ZSCAN31: variants seen among roughly 807,000 people sequenced by gnomAD.
ZSCAN31 encodes the protein zinc finger and SCAN domain containing 31, also known as zinc finger and SCAN domain-containing protein 31.
Under a neutral mutation model 22.5 loss-of-function variants are expected in ZSCAN31, and 14 were observed. That is an observed-to-expected ratio of 0.62 (90% CI 0.41 to 0.97). ZSCAN31 has a LOEUF of 0.97. ZSCAN31 is among the 50% of genes least tolerant of loss of function. The pLI, the probability that ZSCAN31 is intolerant of heterozygous loss-of-function variation, is 0.00. For missense variants in ZSCAN31, 424 were observed against 483.4 expected (o/e 0.88, Z 1.15); for synonymous variants, 168 against 169.8 (o/e 0.99, Z 0.08).
At chr6:28,346,342 C>CTTTTTTTTTTTTTTTTTTT (rs5875155) in intron 2 of ZSCAN31, among the ~76,000 whole-genome samples, 6 of 87,780 alleles carry the variant, frequency 6.8e-5, no homozygotes, top group African/African-American at 1.9e-4. Context: ...TCAGTACAAT[C>CTTTTTTTTTTTTTTTTTTT]TTTTTTTTTT....
Position 28,349,634 on chromosome 6 carries a change from G to C in ZSCAN31, c.-371+4228C>G, listed in dbSNP as rs914655200. 5.3e-5 allele frequency among the ~76,000 whole-genome samples: 8 copies of C among 152,078 alleles called. No individual in the cohort carries two copies. The highest frequency in any genetic ancestry group is 1.2e-4 in the Non-Finnish European group (8 of 68,018). On this transcript the variant is annotated intron_variant, in intron 2 of 7. Transcript: ENST00000396838. The surrounding 1 kb of genome is among the most constrained non-coding windows in gnomAD (Gnocchi z 4.1). ...TTGTCCCCGTTTTCACTCAGTTTCT[G>C]ACCGTTCACCTCTCGTAGGTAACCA...
intron 3 of ZSCAN31, 44 bp downstream of exon 3, chr6:28,327,339 A>T: frequency 1.9e-6 from 3 of 1,610,714 alleles, no homozygotes; most frequent in Non-Finnish European, 2.5e-6. Context: ...CGCCCTATAT[A>T]GACCCACCAG....
At chr6:28,345,533 A>G (rs1764609414) in intron 2 of ZSCAN31, among the ~76,000 whole-genome samples, 2 of 152,342 alleles carry the variant, frequency 1.3e-5, no homozygotes, top group South Asian at 4.1e-4. Context: ...GAGTATTGAT[A>G]TGATACAACA....
intron 2 of ZSCAN31, among the ~76,000 whole-genome samples, chr6:28,343,391 A>G (rs1345645220): frequency 2.6e-5 from 4 of 152,052 alleles, no homozygotes; most frequent in Non-Finnish European, 5.9e-5. Flanking sequence ...GGTAGACATG[A>G]TCATCCCCCA....
upstream of ZSCAN31, among the ~76,000 whole-genome samples, chr6:28,338,407 A>T (rs929354624): frequency 6.6e-6 from 1 of 152,160 alleles, no homozygotes; most frequent in Non-Finnish European, 1.5e-5. Flanking sequence ...TAAATATAGA[A>T]TGGAAAATAC....
chr6:28,342,767 A>G (rs536785760), intron 2 of ZSCAN31, among the ~76,000 whole-genome samples: 3 of 152,350 alleles, frequency 2.0e-5, no homozygotes, highest in South Asian at 4.1e-4. Context: ...GCTGAGGGCA[A>G]CTATCATAAT....
intron 1 of ZSCAN31, among the ~76,000 whole-genome samples, chr6:28,334,735 C>T (rs1764010689): frequency 1.3e-5 from 2 of 152,118 alleles, no homozygotes; most frequent in African/African-American, 4.8e-5. Flanking sequence ...AGTGAGTGGT[C>T]TATGATTGGA....
At position 28,347,592 on chromosome 6, in the gene ZSCAN31, T is replaced by A. The variant is rs763213743; in HGVS notation, c.-370-5800A>T. On this transcript the variant is annotated intron_variant, in intron 2 of 7. Coordinates refer to the ZSCAN31 transcript ENST00000396838. This position sits in a 1 kb window ranked among gnomAD's most constrained non-coding sequence, Gnocchi z 5.2. ...TTTGTTTTTGTTTATTATTATTATT[T>A]TTTTGGCTCAGTCTCCCCTGGAACA... is the stretch of plus-strand genomic sequence containing the variant. Among the ~76,000 whole-genome samples the A allele has an allele frequency of 2.0e-5, 3 of 152,208 alleles. No individual in the cohort carries two copies. The highest frequency in any genetic ancestry group is 4.8e-5 in the African/African-American group (2 of 41,452).
chr6:28,326,558 T>C lies in ZSCAN31; in HGVS notation c.829A>G (p.Ser277Gly), dbSNP rs1299616906. 2 of 1,614,178 alleles carry C rather than the reference T, an allele frequency of 1.2e-6. No homozygotes were observed. Among genetic ancestry groups the C allele is most frequent in the Admixed American group, 3.3e-5 (2 of 60,024 alleles). ...TGTTCATTCAGGCTTGACCTCCGGC[T>C]GAAGGCCTTCCCACATTCTTCACAT... ...YECEECGKAFSRRSSLNEHRR... is the reference protein window; with the variant it reads ...YECEECGKAFGRRSSLNEHRR... Residue 277 changes from serine (S) to glycine (G), a missense_variant, in exon 4 of 4, where the codon AGC (serine) becomes GGC (glycine). Physicochemically the swap from Ser to Gly is moderately conservative, Grantham distance 56 (BLOSUM62 0). Transcript: ENST00000344279.
intron 2 of ZSCAN31, among the ~76,000 whole-genome samples, chr6:28,350,915 TAGA>T (rs1764964796): frequency 6.6e-6 from 1 of 152,092 alleles, no homozygotes; most frequent in Non-Finnish European, 1.5e-5. Context: ...GGAGGAACAA[TAGA>T]AGTTTTTAAT....
At chr6:28,328,871 T>C (rs147883557) in intron 2 of ZSCAN31, among the ~76,000 whole-genome samples, 130 of 152,360 alleles carry the variant, frequency 8.5e-4, no homozygotes, top group East Asian at 2.5e-3. Context: ...ATCTACATTC[T>C]TCTGCTATGG....
In ZSCAN31 at chr6:28,349,139, C is replaced by CAT. The variant is rs556312500; in HGVS notation, c.-371+4721_-371+4722dup. ...TATACATAGGTGTATATATATGTCT[C>CAT]ATATATAGGTGTATATATATGTCTC... On this transcript the variant is annotated intron_variant, in intron 2 of 7. Coordinates refer to the ZSCAN31 transcript ENST00000396838. The surrounding 1 kb of genome is among the most constrained non-coding windows in gnomAD (Gnocchi z 4.1). Among the ~76,000 whole-genome samples, 3 of 95,740 alleles carry CAT rather than the reference C, an allele frequency of 3.1e-5. No homozygotes were observed. The highest frequency in any genetic ancestry group is 5.0e-5 in the Non-Finnish European group (2 of 40,176). The allele number at this position is 95,740 out of a possible 152,430, so 62.8% of individuals were successfully genotyped here.
rs1764863084 is a variant in ZSCAN31 at position 28,349,995 on chromosome 6, C to T, written c.-371+3867G>A. ...TATGGGGTGAATCGGCGTCGGCCTT[C>T]CACTGTGGGGTTAAATCTCATCCCG... On this transcript the variant is annotated intron_variant, in intron 2 of 7. Coordinates refer to the ZSCAN31 transcript ENST00000396838. This position sits in a 1 kb window ranked among gnomAD's most constrained non-coding sequence, Gnocchi z 4.1. 1 of 152,244 alleles carries T rather than the reference C, an allele frequency of 6.6e-6. No homozygotes were observed. The highest frequency in any genetic ancestry group is 1.5e-5 in the Non-Finnish European group (1 of 68,122). 9.4% of individuals were successfully genotyped at this position (152,244 alleles called of 1,614,324 possible). A position where few individuals can be genotyped will look rare whatever the true frequency, so the allele number is the denominator to read the frequency against.
chr6:28,325,537 T>C lies in ZSCAN31; in HGVS notation c.*629A>G, dbSNP rs922193162. 6.6e-6 allele frequency: 1 copy of C among 151,450 alleles called. No individual in the cohort carries two copies. Among genetic ancestry groups the C allele is most frequent in the South Asian group, 2.1e-4 (1 of 4,820 alleles). The allele number at this position is 151,450 out of a possible 1,614,324, so 9.4% of individuals were successfully genotyped here. On this transcript the variant is annotated 3_prime_UTR_variant, in exon 4 of 4. Coordinates refer to ENST00000344279, the MANE Select transcript of ZSCAN31 (RefSeq NM_030899.5). ...CATGAGTTAGATATGAAATGAGACA[T>C]AGATTTCTAAACCATTAAAACTACA...
At chr6:28,339,641 T>C (rs1053013335), upstream of ZSCAN31, among the ~76,000 whole-genome samples, 21 of 152,248 alleles carry the variant, frequency 1.4e-4, no homozygotes, top group African/African-American at 4.8e-4. Context: ...AATTATTTAA[T>C]TTTGTAATTT....
At chr6:28,332,599 G>A (rs1426395819) in intron 1 of ZSCAN31, among the ~76,000 whole-genome samples, 1 of 152,186 alleles carries the variant, frequency 6.6e-6, no homozygotes, top group Non-Finnish European at 1.5e-5. Flanking sequence ...ATATCAATGA[G>A]CAGGTATTAT....
intron 1 of ZSCAN31, chr6:28,332,191 T>G (rs1051183914): frequency 2.0e-5 from 3 of 152,244 alleles, no homozygotes; most frequent in African/African-American, 7.2e-5. Flanking sequence ...CAGCCAGTCC[T>G]CCCATCTCTT....
rs761221171 is a variant in ZSCAN31, at chr6:28,331,667, T to A, written c.-95-1889A>T. Among the ~76,000 whole-genome samples the A allele has an allele frequency of 9.9e-5, 15 of 152,220 alleles. No homozygotes were observed. Among genetic ancestry groups the A allele is most frequent in the Non-Finnish European group, 1.6e-4 (11 of 68,026 alleles). On this transcript the variant is annotated intron_variant, in intron 1 of 3. Transcript: ENST00000344279. This position sits in a 1 kb window ranked among gnomAD's most constrained non-coding sequence, Gnocchi z 4.8. ...AGTCTTCAGTGCAGAAGACTGAAAGTCTGAAAATTTCTAATTATGAATTTG... is the reference window on the plus strand; with the variant it reads ...AGTCTTCAGTGCAGAAGACTGAAAGACTGAAAATTTCTAATTATGAATTTG...
At chr6:28,353,157 C>T (rs1278693582) in intron 2 of ZSCAN31, among the ~76,000 whole-genome samples, 2 of 151,848 alleles carry the variant, frequency 1.3e-5, no homozygotes, top group East Asian at 1.9e-4. Context: ...TTAGTAGAGA[C>T]GGGGTTTCAC....
Sources: gnomAD v4.1 joint callset for allele counts (sites outside exome capture counted in the v4.1 genomes callset) on GRCh38, gnomAD v4.1.1 for gene constraint, Gnocchi (gnomAD v3.1) non-coding constraint, MANE v1.5 for transcripts, NCBI Gene and HGNC (gene_info 2026-07-23, HGNC 2026-07-21) for gene names.